The following GTF2E1 variants were observed in gnomAD, a reference collection of about 807,000 sequenced individuals.
GTF2E1 encodes the protein TFIIE alpha subunit.
Under a neutral mutation model 34.9 loss-of-function variants are expected in GTF2E1, and 14 were observed. The observed-to-expected ratio is 0.40, with a 90% CI of 0.27 to 0.63. GTF2E1 has a LOEUF of 0.63. GTF2E1 is among the 20% of genes least tolerant of loss of function. GTF2E1 has a pLI of 0.39. For synonymous variants in GTF2E1, 188 were observed against 192.9 expected, an observed-to-expected ratio of 0.97 and a Z score of 0.21; for missense variants, 469 against 557.7, an observed-to-expected ratio of 0.84 and a Z score of 1.60.
chr3:120,777,770 G>C (rs1576363804), intron 4 of GTF2E1, among the ~76,000 whole-genome samples: 2 of 152,210 alleles, frequency 1.3e-5, no homozygotes, highest in East Asian at 3.8e-4. Flanking sequence ...CTGTTGCCTA[G>C]GTTGGAGTAC....
At chr3:120,742,909 G>T in intron 1 of GTF2E1, 115 bp downstream of exon 1, 1 of 236,154 alleles carries the variant, frequency 4.2e-6, no homozygotes, top group Middle Eastern at 1.9e-3. Flanking sequence ...TTACCCTGTT[G>T]CCTTGGTCCT....
intron 2 of GTF2E1, among the ~76,000 whole-genome samples, chr3:120,755,103 T>C (rs1709197494): frequency 6.6e-6 from 1 of 151,932 alleles, no homozygotes; most frequent in Admixed American, 6.6e-5. Context: ...AAGTCTTTGA[T>C]AATTAAGTAA....
rs1310737459 is a variant in GTF2E1 at position 120,781,481 on chromosome 3, A to T, written c.*11A>T. The T allele has an allele frequency of 6.3e-7, 1 of 1,597,954 alleles. No individual in the cohort carries two copies. Reference sequence around the variant, plus strand: ...GACCTCTTTGAGTGAGCTTTCCCTAATTCTTTCTCCTTTCTCTAATGCTCA... The same window carrying T: ...GACCTCTTTGAGTGAGCTTTCCCTATTTCTTTCTCCTTTCTCTAATGCTCA... On this transcript the variant is annotated 3_prime_UTR_variant, in exon 5 of 5. Transcript: ENST00000283875.
intron 3 of GTF2E1, among the ~76,000 whole-genome samples, chr3:120,773,524 T>C (rs760423000): frequency 6.6e-6 from 1 of 152,186 alleles, no homozygotes; most frequent in South Asian, 2.1e-4. Flanking sequence ...CAAGAATTGA[T>C]GGACAATTCT....
Position 120,770,670 on chromosome 3 carries a change from G to A in GTF2E1, c.449-58G>A, listed in dbSNP as rs555300951. 8 of 1,167,436 alleles carry A rather than the reference G, an allele frequency of 6.9e-6. No homozygotes were observed. The East Asian group carries it at 1.2e-4, about 17-fold the overall frequency. 72.3% of individuals were successfully genotyped at this position (1,167,436 alleles called of 1,614,324 possible). A position where few individuals can be genotyped will look rare whatever the true frequency, so the allele number is the denominator to read the frequency against. On this transcript the variant is annotated intron_variant, in intron 2 of 4. Coordinates refer to ENST00000283875, the MANE Select transcript of GTF2E1 (RefSeq NM_005513.3). ...TAATAAGATATTGGGGGAGGGTGGA[G>A]GTATAAACTATCTGCTAAAGTCTTC...
In GTF2E1 at chr3:120,778,847, A is replaced by G. The variant is rs561718259; in HGVS notation, c.892+2183A>G. ...TGGATCATATCTTTCAGTATATTTT[A>G]GATTATTTTTCTGCAGGCTGATTTT... On this transcript the variant is annotated intron_variant, in intron 4 of 4. Coordinates refer to ENST00000283875, the MANE Select transcript of GTF2E1 (RefSeq NM_005513.3). Among the ~76,000 whole-genome samples, 10 of 152,292 alleles carry G rather than the reference A, an allele frequency of 6.6e-5. No individual in the cohort carries two copies. The East Asian group carries it at 1.9e-3, about 29-fold the overall frequency.
intron 2 of GTF2E1, among the ~76,000 whole-genome samples, chr3:120,769,403 A>G (rs1709334377): frequency 6.6e-6 from 1 of 152,168 alleles, no homozygotes; most frequent in Non-Finnish European, 1.5e-5. Flanking sequence ...TGTCGGTAAG[A>G]TGATGTTGGA....
chr3:120,781,406 C>T lies in GTF2E1; in HGVS notation c.1256C>T (p.Thr419Ile). The T allele has an allele frequency of 2.5e-6, 4 of 1,614,126 alleles. No individual in the cohort carries two copies. The highest frequency in any genetic ancestry group is 1.3e-5 in the African/African-American group (1 of 75,056). The change falls in exon 5 of 5, where the codon ACA becomes ATA. Residue 419 changes from threonine to isoleucine, a missense_variant. Physicochemically the swap from Thr to Ile is moderately conservative, Grantham distance 89 (BLOSUM62 -1). Coordinates refer to ENST00000283875, the MANE Select transcript of GTF2E1 (RefSeq NM_005513.3). ...CGGCCAGAGCTAGTGGCCCAGATGACACCAGAAGAAAAGGAAGCATATATA... is the reference window on the plus strand; with the variant it reads ...CGGCCAGAGCTAGTGGCCCAGATGATACCAGAAGAAAAGGAAGCATATATA... ...SQRPELVAQM[T>I]PEEKEAYIAM...
intron 1 of GTF2E1, among the ~76,000 whole-genome samples, chr3:120,745,342 T>C (rs559051500): frequency 6.6e-6 from 1 of 152,324 alleles, no homozygotes; most frequent in Admixed American, 6.5e-5. Context: ...TCCCTTATTT[T>C]AGTCTTCACA....
At chr3:120,743,347 CTG>C (rs1287938369) in intron 1 of GTF2E1, among the ~76,000 whole-genome samples, 1 of 152,156 alleles carries the variant, frequency 6.6e-6, no homozygotes, top group African/African-American at 2.4e-5. Context: ...CCGCTTAAAA[CTG>C]TTTTAAATTT....
intron 1 of GTF2E1, among the ~76,000 whole-genome samples, chr3:120,746,761 G>A (rs1475204235): frequency 1.3e-5 from 2 of 152,120 alleles, no homozygotes; most frequent in African/African-American, 2.4e-5. Context: ...TCACACCACC[G>A]AACTCTAGTC....
intron 2 of GTF2E1, among the ~76,000 whole-genome samples, chr3:120,756,928 A>G (rs1397985651): frequency 6.6e-6 from 1 of 152,178 alleles, no homozygotes; most frequent in Non-Finnish European, 1.5e-5. Flanking sequence ...TTCATCTCAG[A>G]AAACAAACAA....
At chr3:120,752,962 T>C (rs796073795) in intron 2 of GTF2E1, among the ~76,000 whole-genome samples, 9 of 152,282 alleles carry the variant, frequency 5.9e-5, no homozygotes, top group African/African-American at 2.2e-4. Flanking sequence ...GTATCATGAT[T>C]AAAAATTTAT....
chr3:120,748,347 A>T (rs371560283), intron 1 of GTF2E1, among the ~76,000 whole-genome samples: 1 of 151,948 alleles, frequency 6.6e-6, no homozygotes, highest in African/African-American at 2.4e-5. Flanking sequence ...CTGAATGGTA[A>T]TGCCTAGGTT....
In GTF2E1 at chr3:120,770,786, CA is replaced by C; in HGVS notation, c.513del (p.Asp172MetfsTer26). 4 of 1,613,490 alleles carry C rather than the reference CA, an allele frequency of 2.5e-6. No homozygotes were observed. The highest frequency in any genetic ancestry group is 3.4e-6 in the Non-Finnish European group (4 of 1,179,602). ...TAGAAGAGGATGAATCAGCAATGCC[CA>C]AAAAAGATGCACGCACACTTTTGGC... The part of the protein sequence containing the change: ...EVEEDESAMP[K>X]KDARTLLARF... On this transcript the variant is annotated frameshift_variant, in exon 3 of 5. Coordinates refer to ENST00000283875, the MANE Select transcript of GTF2E1 (RefSeq NM_005513.3). LOFTEE classifies it high-confidence loss of function.
intron 2 of GTF2E1, among the ~76,000 whole-genome samples, chr3:120,767,920 A>G (rs1464770026): frequency 6.7e-6 from 1 of 149,218 alleles, no homozygotes; most frequent in Non-Finnish European, 1.5e-5. Flanking sequence ...CTGTGAAATA[A>G]TGATATTAGT....
At chr3:120,752,014 A>T (rs1336842285) in intron 2 of GTF2E1, among the ~76,000 whole-genome samples, 4 of 152,052 alleles carry the variant, frequency 2.6e-5, no homozygotes, top group East Asian at 1.9e-4. Context: ...TTAAATAATT[A>T]AAAAAAATTT....
At chr3:120,747,697 G>T (rs1046632624) in intron 1 of GTF2E1, among the ~76,000 whole-genome samples, 1 of 152,086 alleles carries the variant, frequency 6.6e-6, no homozygotes, top group Non-Finnish European at 1.5e-5. Context: ...GAGTAGTCCC[G>T]CAGTAAACAT....
chr3:120,779,376 T>A (rs1435060161), intron 4 of GTF2E1, among the ~76,000 whole-genome samples: 1 of 152,244 alleles, frequency 6.6e-6, no homozygotes, highest in Non-Finnish European at 1.5e-5. Context: ...TAGTGCTGCA[T>A]TGGCAGTAAG....
Sources: allele counts gnomAD v4.1 joint callset (sites outside exome capture counted in the v4.1 genomes callset), GRCh38; gene constraint gnomAD v4.1.1; transcripts MANE v1.5; gene names NCBI Gene and HGNC (gene_info 2026-07-23, HGNC 2026-07-21).